Variants in DAB1 observed in about 807,000 individuals in gnomAD.
DAB1 encodes the protein disabled homolog 1.
A neutral mutation model predicts 64.6 loss-of-function variants in DAB1; 15 were observed. The observed-to-expected ratio is 0.23, with a 90% CI of 0.16 to 0.36. DAB1 has a LOEUF of 0.36. Ranked by LOEUF, DAB1 falls within the 10% of genes least tolerant of loss-of-function variation. DAB1 has a pLI of 1.00. For missense variants in DAB1, 596 were observed against 706.7 expected, an observed-to-expected ratio of 0.84 and a Z score of 1.78; for synonymous variants, 235 against 251.9, an observed-to-expected ratio of 0.93 and a Z score of 0.64.
intron 3 of DAB1, among the ~76,000 whole-genome samples, chr1:58,365,273 G>A (rs542621016): frequency 9.2e-5 from 14 of 152,236 alleles, no homozygotes; most frequent in African/African-American, 3.1e-4. Flanking sequence ...AAGTTTCCAA[G>A]ATAAAAACCA....
rs1430253427 is a variant in DAB1 at position 57,351,389 on chromosome 1, A to G, written c.-136-60223T>C. On this transcript the variant is annotated intron_variant, in intron 1 of 14. Coordinates refer to ENST00000371236, the MANE Select transcript of DAB1 (RefSeq NM_001365792.1). ...GGAAAGGCATGTCTTCGACCTTCAC[A>G]GGGCTGTATCAGGTTTTGAAACACA... Among the ~76,000 whole-genome samples, 5 of 152,146 alleles carry G rather than the reference A, an allele frequency of 3.3e-5. No homozygotes were observed. In the East Asian group the frequency reaches 7.7e-4, roughly 23 times the overall value.
At chr1:57,967,503 C>T (rs1172865139) in intron 5 of DAB1, among the ~76,000 whole-genome samples, 3 of 152,076 alleles carry the variant, frequency 2.0e-5, no homozygotes, top group Non-Finnish European at 4.4e-5. Flanking sequence ...AGATGTGCTA[C>T]CCTTGTTCCT....
chr1:57,278,702 G>A (rs146814066), intron 2 of DAB1, among the ~76,000 whole-genome samples: 1 of 152,240 alleles, frequency 6.6e-6, no homozygotes, highest in Non-Finnish European at 1.5e-5. Flanking sequence ...GAGAGCTGAA[G>A]CAAATCCATG....
At chr1:57,033,921 T>G (rs998246454) in intron 9 of DAB1, among the ~76,000 whole-genome samples, 6 of 152,206 alleles carry the variant, frequency 3.9e-5, no homozygotes, top group Admixed American at 1.3e-4. Context: ...TGTCATCTTG[T>G]GCTTTAGCCA....
At chr1:58,402,707 G>A (rs1030301653) in intron 3 of DAB1, among the ~76,000 whole-genome samples, 13 of 152,156 alleles carry the variant, frequency 8.5e-5, no homozygotes, top group African/African-American at 2.7e-4. Context: ...AACTTTTTCC[G>A]CGTTTATTTA....
chr1:57,391,766 A>AACAC (rs57332880), intron 1 of DAB1, among the ~76,000 whole-genome samples: 3,086 of 94,518 alleles, frequency 0.033, 52 homozygotes, highest in South Asian at 0.068. Context: ...CAGAGGAATA[A>AACAC]ACACACACAC....
chr1:58,437,830 T>G (rs1474016734), intron 3 of DAB1, among the ~76,000 whole-genome samples: 3 of 152,206 alleles, frequency 2.0e-5, no homozygotes, highest in Non-Finnish European at 4.4e-5. Context: ...TCAGTGGCAG[T>G]GCTGAGCAGG....
rs1183115079 is a variant in DAB1, at chr1:58,063,804, C to G, written n.387+86707G>C. Among the ~76,000 whole-genome samples the G allele has an allele frequency of 6.6e-5, 10 of 152,254 alleles. No individual in the cohort carries two copies. In the East Asian group the frequency reaches 1.9e-3, roughly 29 times the overall value. On this transcript the variant is annotated intron_variant and non_coding_transcript_variant, in intron 5 of 20. Transcript: ENST00000485760. ...GAAAGCCGCAGGTGGATAGCCCAAG[C>G]CAATTGCCATTTCTACAGCTGCTAA...
At chr1:57,727,931 G>T (rs560754486) in intron 6 of DAB1, among the ~76,000 whole-genome samples, 2 of 152,302 alleles carry the variant, frequency 1.3e-5, no homozygotes, top group East Asian at 3.9e-4. Context: ...TCAAGGCTGG[G>T]AGTAGGGTGG....
intron 2 of DAB1, among the ~76,000 whole-genome samples, chr1:57,230,835 T>C (rs2100428834): frequency 6.6e-6 from 1 of 152,298 alleles, no homozygotes; most frequent in African/African-American, 2.4e-5. Context: ...CTGCAAATTA[T>C]TAACTGGTAA....
intron 4 of DAB1, among the ~76,000 whole-genome samples, chr1:58,258,444 C>T (rs980667514): frequency 6.6e-6 from 1 of 152,164 alleles, no homozygotes; most frequent in African/African-American, 2.4e-5. Context: ...ATGGCACAGA[C>T]GAAATGAGGG....
At chr1:57,011,095 G>T in intron 13 of DAB1, 50 bp downstream of exon 13, 1 of 1,609,662 alleles carries the variant, frequency 6.2e-7, no homozygotes, top group Non-Finnish European at 8.5e-7. Flanking sequence ...CAGTTACAGA[G>T]GTCTTAATTT....
At chr1:57,127,231 T>C (rs189978702) in intron 4 of DAB1, among the ~76,000 whole-genome samples, 4 of 152,248 alleles carry the variant, frequency 2.6e-5, no homozygotes, top group Non-Finnish European at 4.4e-5. Flanking sequence ...CAATCAGCCA[T>C]CTAAATAAAA....
intron 2 of DAB1, among the ~76,000 whole-genome samples, chr1:57,264,819 T>C (rs1670465243): frequency 6.6e-6 from 1 of 152,238 alleles, no homozygotes; most frequent in Non-Finnish European, 1.5e-5. Context: ...AGATGCTTTC[T>C]GATCACCCAC....
chr1:58,295,214 C>A (rs1425805138), intron 4 of DAB1, among the ~76,000 whole-genome samples: 1 of 152,060 alleles, frequency 6.6e-6, no homozygotes, highest in African/African-American at 2.4e-5. Flanking sequence ...AACTCCCATG[C>A]CAGCAAGGTT....
chr1:57,674,003 A>G (rs1646536457), intron 6 of DAB1, among the ~76,000 whole-genome samples: 1 of 152,192 alleles, frequency 6.6e-6, no homozygotes, highest in South Asian at 2.1e-4. Flanking sequence ...GGGTGGTTTC[A>G]GACATTTACC....
At chr1:57,695,652 C>A (rs2101722661) in intron 6 of DAB1, among the ~76,000 whole-genome samples, 1 of 152,290 alleles carries the variant, frequency 6.6e-6, no homozygotes, top group South Asian at 2.1e-4. Flanking sequence ...GTAATCCCAG[C>A]ACTTGGGGAG....
rs1662565134 is a variant in DAB1, at chr1:58,316,662, C to A, written n.309+26690G>T. 3.3e-5 allele frequency among the ~76,000 whole-genome samples: 5 copies of A among 152,112 alleles called. No homozygotes were observed. The South Asian group carries it at 1.0e-3, about 32-fold the overall frequency. ...AGTAACTAAGTGGGCAAGAAGGAAA[C>A]AACCTTTCAAAGATCAGAGACATGA... On this transcript the variant is annotated intron_variant and non_coding_transcript_variant, in intron 4 of 20. Transcript: ENST00000485760.
chr1:58,458,983 A>G (rs953997522), intron 3 of DAB1, among the ~76,000 whole-genome samples: 2 of 152,198 alleles, frequency 1.3e-5, no homozygotes, highest in African/African-American at 4.8e-5. Context: ...GTGAGATAAT[A>G]TATGTGTGCA....
Sources: allele counts gnomAD v4.1 joint callset (sites outside exome capture counted in the v4.1 genomes callset), GRCh38; gene constraint gnomAD v4.1.1; transcripts MANE v1.5; gene names NCBI Gene and HGNC (gene_info 2026-07-23, HGNC 2026-07-21).